VSTM4: variants seen among roughly 807,000 people sequenced by gnomAD.
The protein encoded by VSTM4 is V-set and transmembrane domain-containing protein 4.
Under a neutral mutation model 36.4 loss-of-function variants are expected in VSTM4, and 20 were observed. That is an observed-to-expected ratio of 0.55 (90% CI 0.39 to 0.80). The LOEUF is 0.80. Ranked by LOEUF, VSTM4 falls within the 30% of genes least tolerant of loss-of-function variation. The probability of loss-of-function intolerance (pLI) is 0.00; values close to 1 mark genes in which losing one functional copy is unlikely to be tolerated. For synonymous variants in VSTM4, 182 were observed against 173.9 expected (o/e 1.05, Z -0.37); for missense variants, 392 against 404.5 (o/e 0.97, Z 0.26).
At chr10:49,080,696 G>A (rs1229651649) in intron 3 of VSTM4, among the ~76,000 whole-genome samples, 2 of 152,210 alleles carry the variant, frequency 1.3e-5, no homozygotes, top group Non-Finnish European at 2.9e-5. Context: ...TGGAAGCCCA[G>A]AAGAAAGCAC....
chr10:49,110,344 C>A (rs1844870178), intron 1 of VSTM4, among the ~76,000 whole-genome samples: 1 of 152,186 alleles, frequency 6.6e-6, no homozygotes, highest in Non-Finnish European at 1.5e-5. Flanking sequence ...GCTAGTAACC[C>A]TTCCACTTCT....
intron 7 of VSTM4, among the ~76,000 whole-genome samples, chr10:49,029,787 A>G (rs1027604880): frequency 6.6e-5 from 10 of 152,348 alleles, no homozygotes; most frequent in East Asian, 5.8e-4. Context: ...AAGTTGGGGG[A>G]GAAGGGAACT....
At chr10:49,108,312 T>C (rs994284465) in intron 1 of VSTM4, among the ~76,000 whole-genome samples, 1 of 152,244 alleles carries the variant, frequency 6.6e-6, no homozygotes, top group Non-Finnish European at 1.5e-5. Flanking sequence ...ATGTAAAAGA[T>C]TTAGATTTTT....
rs1223277874 is a variant in VSTM4, at chr10:49,078,166, G to T, written c.527-840C>A. Among the ~76,000 whole-genome samples, 4 of 152,164 alleles carry T rather than the reference G, an allele frequency of 2.6e-5. No individual in the cohort carries two copies. The East Asian group carries it at 7.7e-4, about 29-fold the overall frequency. ...ATAAAAAATAGTGACATCCCCAAATGCTGGCAAGGATACAGATAAACTGGG... is the reference window on the plus strand; with the variant it reads ...ATAAAAAATAGTGACATCCCCAAATTCTGGCAAGGATACAGATAAACTGGG... On this transcript the variant is annotated intron_variant, in intron 3 of 7. Transcript: ENST00000332853.
chr10:49,114,197 G>T (rs376474422), intron 1 of VSTM4, among the ~76,000 whole-genome samples: 120 of 152,276 alleles, frequency 7.9e-4, no homozygotes, highest in African/African-American at 2.5e-3. Flanking sequence ...AGGATTTCAG[G>T]TTCACTGGGA....
At chr10:49,060,131 T>C (rs1843849785) in intron 5 of VSTM4, among the ~76,000 whole-genome samples, 1 of 152,246 alleles carries the variant, frequency 6.6e-6, no homozygotes, top group African/African-American at 2.4e-5. Flanking sequence ...CTAGATTGTC[T>C]CTGGTTTCTG....
rs1277584803 is a variant in VSTM4, at chr10:49,048,508, G to C, written c.745C>G (p.Pro249Ala). Reference protein sequence around the residue: ...PKKGKRQKEKPDIPPAVPAKA... With the variant: ...PKKGKRQKEKADIPPAVPAKA... ...GCAGGGACTGCGGGAGGAATGTCAG[G>C]CTTCTCCTTCTGCCTCTTGCCCTTC... The change falls in exon 6 of 8, where the codon CCT becomes GCT. Residue 249 changes from proline (P) to alanine (A), a missense_variant. Transcript: ENST00000332853. The C allele has an allele frequency of 1.3e-6, 2 of 1,596,370 alleles. No homozygotes were observed.
chr10:49,057,184 C>CCA (rs1843795493), intron 5 of VSTM4, among the ~76,000 whole-genome samples: 2 of 152,078 alleles, frequency 1.3e-5, no homozygotes, highest in Admixed American at 6.6e-5. Flanking sequence ...AACTACATTT[C>CCA]CACATCAGAT....
intron 2 of VSTM4, among the ~76,000 whole-genome samples, chr10:49,097,050 C>G (rs1361601169): frequency 6.6e-6 from 1 of 152,084 alleles, no homozygotes; most frequent in Non-Finnish European, 1.5e-5. Flanking sequence ...CTCCTGTGAA[C>G]ACCAGCAGCA....
chr10:49,029,500 G>C (rs1282376238), intron 7 of VSTM4, among the ~76,000 whole-genome samples: 1 of 152,146 alleles, frequency 6.6e-6, no homozygotes, highest in African/African-American at 2.4e-5. Context: ...ATGGAGTCTG[G>C]ATTACAGGTG....
intron 3 of VSTM4, among the ~76,000 whole-genome samples, chr10:49,079,335 C>A (rs562791437): frequency 6.6e-6 from 1 of 152,212 alleles, no homozygotes; most frequent in South Asian, 2.1e-4. Flanking sequence ...TCCTGAGTAG[C>A]TAAAATTACA....
chr10:49,096,627 G>GTGTA (rs1038764137), intron 2 of VSTM4, among the ~76,000 whole-genome samples: 3 of 121,026 alleles, frequency 2.5e-5, no homozygotes, highest in African/African-American at 9.5e-5. Flanking sequence ...AAGACCGTGT[G>GTGTA]TGTGTGTGTG....
At chr10:49,077,736 T>C (rs955966553) in intron 3 of VSTM4, among the ~76,000 whole-genome samples, 2 of 152,200 alleles carry the variant, frequency 1.3e-5, no homozygotes, top group Non-Finnish European at 2.9e-5. Context: ...GAAAAATCTT[T>C]GGGATCTAAG....
intron 2 of VSTM4, among the ~76,000 whole-genome samples, chr10:49,087,936 ATGTATATATACATATGTAATATATATG>A (rs1434160815): frequency 4.8e-5 from 6 of 123,834 alleles, no homozygotes; most frequent in East Asian, 1.9e-4. Flanking sequence ...TGTAATATAT[ATGTATATATACATATGTAATATATATG>A]TGTATATATA....
chr10:49,115,521 GCGC>G (rs1844981866), exon 1 of VSTM4: 2 of 980,298 alleles, frequency 2.0e-6, no homozygotes, highest in Admixed American at 6.4e-5. Context: ...ACGCGGGAGA[GCGC>G]CGCCGCCTGG....
chr10:49,052,571 C>G (rs1475307260), intron 5 of VSTM4, among the ~76,000 whole-genome samples: 1 of 151,868 alleles, frequency 6.6e-6, no homozygotes, highest in African/African-American at 2.4e-5. Context: ...TTTCCCAATT[C>G]CCTTTGAATT....
chr10:49,107,691 G>T lies in VSTM4; in HGVS notation c.360C>A (p.Ser120=). The change falls in exon 2 of 8, where the codon TCC becomes TCA. Residue 120 remains serine (S), a synonymous_variant. Coordinates refer to ENST00000332853, the MANE Select transcript of VSTM4 (RefSeq NM_001031746.5). Reference sequence around the variant, plus strand: ...CTCTGCAGACGTAATGCCCTTGATCGGAGGGCTGCAGTGTCAAGACGGAGA... The same window carrying T: ...CTCTGCAGACGTAATGCCCTTGATCTGAGGGCTGCAGTGTCAAGACGGAGA... The part of the protein sequence containing the change: ...YRLSVLTLQP[S]DQGHYVCRVQ... 6.2e-7 allele frequency: 1 copy of T among 1,614,208 alleles called. No homozygotes were observed.
intron 5 of VSTM4, among the ~76,000 whole-genome samples, chr10:49,050,630 A>C (rs964294214): frequency 1.3e-5 from 2 of 152,234 alleles, no homozygotes; most frequent in Non-Finnish European, 2.9e-5. Context: ...AATTTACAAA[A>C]CTTTGACCAA....
intron 2 of VSTM4, chr10:49,102,579 C>T: frequency 3.0e-6 from 3 of 985,454 alleles, no homozygotes; most frequent in Non-Finnish European, 3.6e-6. Context: ...CATGGGCTGG[C>T]ATGCCCAAAG....
Sources: gnomAD v4.1 joint callset for allele counts (sites outside exome capture counted in the v4.1 genomes callset) on GRCh38, gnomAD v4.1.1 for gene constraint, MANE v1.5 for transcripts, NCBI Gene and HGNC (gene_info 2026-07-23, HGNC 2026-07-21) for gene names.